SGSM2: variants seen among roughly 807,000 people sequenced by gnomAD.
The protein encoded by SGSM2 is RUN and TBC1 domain containing 1.
A neutral mutation model predicts 126.6 loss-of-function variants in SGSM2; 89 were observed. The observed-to-expected ratio is 0.70, with a 90% CI of 0.59 to 0.84. SGSM2 has a LOEUF of 0.84. SGSM2 is among the 40% of genes least tolerant of loss of function. The probability of loss-of-function intolerance (pLI) is 0.00; values close to 1 mark genes in which losing one functional copy is unlikely to be tolerated. For missense variants in SGSM2, 1,404 were observed against 1,416.6 expected (o/e 0.99, Z 0.14); for synonymous variants, 614 against 574.3 (o/e 1.07, Z -0.99).
At chr17:2,344,477 A>T (rs182537407) in intron 2 of SGSM2, among the ~76,000 whole-genome samples, 2 of 152,220 alleles carry the variant, frequency 1.3e-5, no homozygotes, top group East Asian at 3.9e-4. Flanking sequence ...GATGCTTTGG[A>T]CGGTAGTGTG....
At position 2,379,264 on chromosome 17, in the gene SGSM2, G is replaced by A. The variant is rs772002564; in HGVS notation, c.3067+61G>A. On this transcript the variant is annotated intron_variant, in intron 23 of 23. Transcript: ENST00000268989. The stretch of plus-strand genomic sequence containing the variant: ...CAGAGGTGTGGAGGCCCCCACCTCT[G>A]CCCCGCACACAGCTGGAGGGTTCTC... The A allele has an allele frequency of 8.8e-6, 14 of 1,594,880 alleles. No individual in the cohort carries two copies. The East Asian group carries it at 2.9e-4, about 33-fold the overall frequency.
Position 2,371,905 on chromosome 17 carries a change from G to T in SGSM2, c.1578-285G>T, listed in dbSNP as rs11657242. On this transcript the variant is annotated intron_variant, in intron 13 of 23. Coordinates refer to ENST00000268989, the MANE Select transcript of SGSM2 (RefSeq NM_014853.3). ...CGTTTATTAATCCTGATGATCCTCC[G>T]CTGCCTCTCTCCATTTTTCACATGA... The T allele has an allele frequency of 1.4e-5, 7 of 493,030 alleles. No individual in the cohort carries two copies. The East Asian group carries it at 2.6e-4, about 18-fold the overall frequency. 30.5% of individuals were successfully genotyped at this position (493,030 alleles called of 1,614,324 possible).
chr17:2,376,544 C>T (rs940826810), intron 19 of SGSM2, 189 bp from the exon 20 acceptor site: 1 of 714,150 alleles, frequency 1.4e-6, no homozygotes, highest in East Asian at 2.6e-5. Context: ...CTCCCTAAGT[C>T]GGAGTGCCTT....
intron 2 of SGSM2, among the ~76,000 whole-genome samples, chr17:2,351,844 A>C (rs2005029): frequency 0.33 from 50,604 of 152,082 alleles, 9,947 homozygotes; most frequent in East Asian, 0.63. Context: ...ATCAGAGTCC[A>C]GTTGCGAATG....
At position 2,379,596 on chromosome 17, in the gene SGSM2, C is replaced by A; in HGVS notation, c.*76C>A. The A allele has an allele frequency of 6.4e-7, 1 of 1,551,770 alleles. No homozygotes were observed. Among genetic ancestry groups the A allele is most frequent in the Non-Finnish European group, 8.8e-7 (1 of 1,142,788 alleles). On this transcript the variant is annotated 3_prime_UTR_variant, in exon 24 of 24. Coordinates refer to ENST00000268989, the MANE Select transcript of SGSM2 (RefSeq NM_014853.3). ...AGGTGCAGGGGAGTCACCGCCCAGA[C>A]CTCCCCAGCCACCAACCGACCCCAC...
chr17:2,338,420 C>G (rs548299285), intron 1 of SGSM2, among the ~76,000 whole-genome samples: 1 of 152,228 alleles, frequency 6.6e-6, no homozygotes, highest in East Asian at 2.0e-4. Context: ...TGACCCTGCC[C>G]AAAAGCCCAT....
At chr17:2,349,116 C>G (rs1306282900) in intron 2 of SGSM2, among the ~76,000 whole-genome samples, 1 of 151,952 alleles carries the variant, frequency 6.6e-6, no homozygotes, top group Non-Finnish European at 1.5e-5. Context: ...TGGCTCACGC[C>G]TGCAATCCCA....
intron 1 of SGSM2, among the ~76,000 whole-genome samples, chr17:2,342,261 CAA>C (rs570717792): frequency 4.6e-4 from 31 of 67,798 alleles, no homozygotes; most frequent in Admixed American, 4.7e-4. Flanking sequence ...ACTAAAAATA[CAA>C]AAAAAAAAAA....
At chr17:2,360,998 G>A (rs1332698062) in intron 2 of SGSM2, among the ~76,000 whole-genome samples, 2 of 152,226 alleles carry the variant, frequency 1.3e-5, no homozygotes, top group Non-Finnish European at 2.9e-5. Context: ...TGGGCACAGG[G>A]CAGCTCCCTA....
Position 2,343,547 on chromosome 17 carries a change from G to A in SGSM2, c.60G>A (p.Val20=). ...EKLLWNVKKE[V]KQIMEEAVTR... ...TGATGCTGTCCATGTGTCCGCAGGT[G>A]AAGCAAATCATGGAGGAGGCTGTCA... The change falls in exon 2 of 24, where the codon GTG becomes GTA. Residue 20 remains valine, a splice_region_variant and synonymous_variant. Coordinates refer to ENST00000268989, the MANE Select transcript of SGSM2 (RefSeq NM_014853.3). 2 of 1,614,144 alleles carry A rather than the reference G, an allele frequency of 1.2e-6. No individual in the cohort carries two copies. Among genetic ancestry groups the A allele is most frequent in the South Asian group, 2.2e-5 (2 of 91,084 alleles).
chr17:2,363,035 C>G lies in SGSM2; in HGVS notation c.573C>G (p.His191Gln). Residue 191 changes from histidine to glutamine, a missense_variant, in exon 6 of 24, where the codon CAC becomes CAG. By Grantham distance (24) the His-to-Gln change is conservative. Transcript: ENST00000268989. The surrounding 1 kb of genome is among the most constrained non-coding windows in gnomAD (Gnocchi z 4.2). The stretch of plus-strand genomic sequence containing the variant: ...ACACTAAGCTCAAGACAGCCGATCA[C>G]TACTGGACTGACCCCTCTGCTGATG... The part of the protein sequence containing the change: ...LEYTKLKTAD[H>Q]YWTDPSADEL... The G allele has an allele frequency of 6.2e-7, 1 of 1,614,048 alleles. No homozygotes were observed. Among genetic ancestry groups the G allele is most frequent in the Non-Finnish European group, 8.5e-7 (1 of 1,180,042 alleles).
intron 17 of SGSM2, chr17:2,375,270 G>C: frequency 1.9e-6 from 1 of 520,476 alleles, no homozygotes; most frequent in Non-Finnish European, 3.3e-6. Context: ...CTTCAAGCAG[G>C]GCTGAAGACG....
At position 2,380,364 on chromosome 17, in the gene SGSM2, T is replaced by G. The variant is rs1270569814; in HGVS notation, c.*844T>G. 6.8e-7 allele frequency: 1 copy of G among 1,479,142 alleles called. No individual in the cohort carries two copies. The highest frequency in any genetic ancestry group is 1.4e-5 in the African/African-American group (1 of 71,880). 91.6% of individuals were successfully genotyped at this position (1,479,142 alleles called of 1,614,324 possible). On this transcript the variant is annotated 3_prime_UTR_variant, in exon 24 of 24. Coordinates refer to ENST00000268989, the MANE Select transcript of SGSM2 (RefSeq NM_014853.3). The stretch of plus-strand genomic sequence containing the variant: ...GCTCTGAGGAATCCCAGGGTGACTC[T>G]GTCGGGGAAGAATCCGGTCACAGCC...
chr17:2,376,202 C>T lies in SGSM2; in HGVS notation c.2550C>T (p.Asp850=). 6.2e-7 allele frequency: 1 copy of T among 1,614,128 alleles called. No homozygotes were observed. Among genetic ancestry groups the T allele is most frequent in the Non-Finnish European group, 8.5e-7 (1 of 1,180,022 alleles). ...TAGACAAGGATGTGCAGAGGTGTGA[C>T]CGCAACTACTGGTACTTCACGCCCC... ...HRIDKDVQRC[D]RNYWYFTPPN... is the part of the protein sequence containing the mutation. The change falls in exon 19 of 24, where the codon GAC becomes GAT. Residue 850 remains aspartate (D), a synonymous_variant. Coordinates refer to ENST00000268989, the MANE Select transcript of SGSM2 (RefSeq NM_014853.3).
chr17:2,373,130 A>T (rs2065957232), intron 16 of SGSM2, 49 bp downstream of exon 16: 1 of 1,603,000 alleles, frequency 6.2e-7, no homozygotes, highest in South Asian at 1.1e-5. Flanking sequence ...GAGCTGGGCC[A>T]GGGGACGCCA....
At chr17:2,375,955 G>A in intron 18 of SGSM2, 80 bp downstream of exon 18, 1 of 1,512,384 alleles carries the variant, frequency 6.6e-7, no homozygotes, top group Non-Finnish European at 8.8e-7. Flanking sequence ...GCGCTGGTGG[G>A]GTGGAAGGCG....
intron 19 of SGSM2, 176 bp from the exon 20 acceptor site, chr17:2,376,554 TGGG>T (rs548597020): frequency 1.5e-5 from 11 of 750,290 alleles, no homozygotes; most frequent in South Asian, 5.1e-5. Context: ...CGGAGTGCCT[TGGG>T]GGGGACCCGT....
chr17:2,364,203 A>G lies in SGSM2; in HGVS notation c.932+20A>G. The G allele has an allele frequency of 6.2e-7, 1 of 1,613,274 alleles. No individual in the cohort carries two copies. The highest frequency in any genetic ancestry group is 1.1e-5 in the South Asian group (1 of 91,080). On this transcript the variant is annotated intron_variant, in intron 8 of 23. Coordinates refer to ENST00000268989, the MANE Select transcript of SGSM2 (RefSeq NM_014853.3). ...AAAGAGGTGGGGGCTTTGGGACTCA[A>G]TCCCAGGAGCCAGGGCAGGGAGTGG...
At chr17:2,347,399 A>G (rs918019060) in intron 2 of SGSM2, among the ~76,000 whole-genome samples, 1 of 143,016 alleles carries the variant, frequency 7.0e-6, no homozygotes, top group Non-Finnish European at 1.5e-5. Context: ...GAACCATCAC[A>G]CCCGGCCTCA....
Sources: allele counts gnomAD v4.1 joint callset (sites outside exome capture counted in the v4.1 genomes callset), GRCh38; gene constraint gnomAD v4.1.1; non-coding constraint Gnocchi (gnomAD v3.1); transcripts MANE v1.5; gene names NCBI Gene and HGNC (gene_info 2026-07-23, HGNC 2026-07-21).